The following TRIO variants were observed in gnomAD, a reference collection of about 807,000 sequenced individuals.
TRIO encodes triple functional domain protein.
A neutral mutation model predicts 351.9 loss-of-function variants in TRIO; 58 were observed. That is an observed-to-expected ratio of 0.16 (90% CI 0.13 to 0.21). The LOEUF (loss-of-function observed/expected upper bound fraction) is 0.21. TRIO is among the 10% of genes least tolerant of loss of function. TRIO has a pLI of 1.00. For missense variants in TRIO, 3,201 were observed against 4,027.8 expected (o/e 0.79, Z 5.56); for synonymous variants, 1,758 against 1,595.7 (o/e 1.10, Z -2.42).
intron 40 of TRIO, among the ~76,000 whole-genome samples, chr5:14,475,982 A>G (rs374367734): frequency 4.1e-4 from 62 of 152,358 alleles, no homozygotes; most frequent in African/African-American, 1.4e-3. Context: ...CCAGAAAACA[A>G]TGAACATTGT....
chr5:14,498,773 A>G, intron 53 of TRIO, 133 bp downstream of exon 53: 2 of 1,394,718 alleles, frequency 1.4e-6, no homozygotes, highest in Non-Finnish European at 2.0e-6. Context: ...GTGGGGCTTC[A>G]AAAGACAGTT....
rs750305752 is a variant in TRIO, at chr5:14,498,550, G to A, written c.8242G>A (p.Gly2748Ser). 8.1e-6 allele frequency: 13 copies of A among 1,613,880 alleles called. No individual in the cohort carries two copies. The highest frequency in any genetic ancestry group is 2.2e-5 in the South Asian group (2 of 91,054). ...DLGEATLKIV[G>S]VTTEDDGIYT... ...GGGAGAGGCCACGCTGAAGATTGTGGGCGTGACCACGGAAGATGACGGCAT... is the reference window on the plus strand; with the variant it reads ...GGGAGAGGCCACGCTGAAGATTGTGAGCGTGACCACGGAAGATGACGGCAT... Residue 2748 changes from glycine (G) to serine (S), a missense_variant, in exon 53 of 57, where the codon GGC becomes AGC. This residue lies in a region of TRIO where 1,089 missense variants were observed against 954.9 expected (regional missense o/e 1.14). Coordinates refer to ENST00000344204, the MANE Select transcript of TRIO (RefSeq NM_007118.4).
intron 8 of TRIO, 61 bp downstream of exon 8, chr5:14,304,653 G>A: frequency 6.5e-7 from 1 of 1,537,598 alleles, no homozygotes; most frequent in Non-Finnish European, 8.7e-7. Context: ...TAGTACACCG[G>A]AAGCTAGAAA....
intron 55 of TRIO, 75 bp from the exon 56 acceptor site, chr5:14,507,047 G>T: frequency 6.7e-7 from 1 of 1,492,986 alleles, no homozygotes; most frequent in Non-Finnish European, 8.9e-7. Flanking sequence ...GGTCCGACAT[G>T]TTTACTTCTT....
intron 9 of TRIO, among the ~76,000 whole-genome samples, chr5:14,329,280 C>T (rs1299483201): frequency 6.6e-6 from 1 of 152,222 alleles, no homozygotes; most frequent in Non-Finnish European, 1.5e-5. Flanking sequence ...TGATTTTGAT[C>T]TGCATCGTCT....
intron 9 of TRIO, among the ~76,000 whole-genome samples, chr5:14,330,343 G>A (rs181141610): frequency 1.2e-3 from 179 of 152,298 alleles, no homozygotes; most frequent in Admixed American, 1.7e-3. Context: ...GAAAAAAAAT[G>A]ACTCTGTAGT....
intron 33 of TRIO, among the ~76,000 whole-genome samples, chr5:14,414,712 G>C (rs1395082879): frequency 6.6e-6 from 1 of 151,998 alleles, no homozygotes; most frequent in African/African-American, 2.4e-5. Context: ...GTGTATCGGA[G>C]CCTATCACAA....
At chr5:14,198,356 C>G (rs375414739) in intron 1 of TRIO, among the ~76,000 whole-genome samples, 2 of 152,280 alleles carry the variant, frequency 1.3e-5, no homozygotes, top group East Asian at 1.9e-4. Flanking sequence ...CTTCTGTTCC[C>G]TTGTGCCCTG....
chr5:14,389,499 T>A, intron 25 of TRIO, 101 bp downstream of exon 25: 1 of 826,932 alleles, frequency 1.2e-6, no homozygotes, highest in Non-Finnish European at 1.8e-6. Flanking sequence ...CAGATTTCAG[T>A]GATTTTGTTT....
intron 7 of TRIO, among the ~76,000 whole-genome samples, chr5:14,304,219 G>A (rs1738167881): frequency 6.6e-6 from 1 of 152,172 alleles, no homozygotes; most frequent in Non-Finnish European, 1.5e-5. Flanking sequence ...GCAGCAGTCA[G>A]TTGAGGCATT....
At chr5:14,480,096 A>G (rs1755400616) in intron 43 of TRIO, 85 bp downstream of exon 43, 1 of 1,252,764 alleles carries the variant, frequency 8.0e-7, no homozygotes, top group South Asian at 1.3e-5. Flanking sequence ...AGGATTTGGT[A>G]GGACAGGGGA....
At chr5:14,212,323 G>T (rs1039101702) in intron 1 of TRIO, among the ~76,000 whole-genome samples, 1 of 151,996 alleles carries the variant, frequency 6.6e-6, no homozygotes, top group East Asian at 1.9e-4. Flanking sequence ...TGTTGATTTG[G>T]TGCCTGGGCT....
chr5:14,420,075 C>A, intron 34 of TRIO, 54 bp downstream of exon 34: 1 of 1,583,882 alleles, frequency 6.3e-7, no homozygotes, highest in African/African-American at 1.3e-5. Context: ...GGCCCTGGAG[C>A]GCTCTGTCTC....
intron 1 of TRIO, among the ~76,000 whole-genome samples, chr5:14,222,373 A>G (rs1051898777): frequency 1.3e-5 from 2 of 152,174 alleles, no homozygotes; most frequent in African/African-American, 4.8e-5. Flanking sequence ...TGTAAAAGGT[A>G]TTTCTTAATG....
At chr5:14,401,106 T>TA (rs749006015) in intron 31 of TRIO, 42 bp downstream of exon 31, 9 of 1,518,566 alleles carry the variant, frequency 5.9e-6, no homozygotes, top group Non-Finnish European at 1.8e-6. Flanking sequence ...TTGAAACATT[T>TA]ACTGTGGCCA....
At position 14,479,929 on chromosome 5, in the gene TRIO, A is replaced by G. The variant is rs1229307488; in HGVS notation, c.6254A>G (p.Gln2085Arg). Residue 2085 changes from glutamine to arginine, a missense_variant, in exon 43 of 57, where the codon CAG becomes CGG. This residue lies in a region of TRIO where 307 missense variants were observed against 396.5 expected (regional missense o/e 0.77). Transcript: ENST00000344204. ...CTCTTAAAACTGTAGGACTTAAAGC[A>G]GCGTCTTGGCCACAGGTTACAGCTC... ...YIDTFFEDLK[Q>R]RLGHRLQLTD... The G allele has an allele frequency of 3.7e-6, 6 of 1,613,994 alleles. No homozygotes were observed.
chr5:14,404,229 C>G (rs1748512921), intron 31 of TRIO, among the ~76,000 whole-genome samples: 1 of 151,978 alleles, frequency 6.6e-6, no homozygotes, highest in Admixed American at 6.6e-5. Context: ...TGGTTATTTT[C>G]ACTTCTCTAG....
chr5:14,239,283 C>T (rs1254819981), intron 1 of TRIO, among the ~76,000 whole-genome samples: 1 of 152,020 alleles, frequency 6.6e-6, no homozygotes, highest in Non-Finnish European at 1.5e-5. Context: ...CCCCCCCATT[C>T]TTAGTTCTTA....
At chr5:14,331,305 G>A (rs1183671731) in intron 10 of TRIO, among the ~76,000 whole-genome samples, 2 of 152,194 alleles carry the variant, frequency 1.3e-5, no homozygotes, top group Non-Finnish European at 2.9e-5. Context: ...CGGGAGTCCA[G>A]TGTGTTCCGA....
Sources: allele counts gnomAD v4.1 joint callset (sites outside exome capture counted in the v4.1 genomes callset), GRCh38; gene constraint gnomAD v4.1.1; regional missense constraint gnomAD v4.1.1; transcripts MANE v1.5; gene names NCBI Gene and HGNC (gene_info 2026-07-23, HGNC 2026-07-21).